ARPP21: variants seen among roughly 807,000 people sequenced by gnomAD.
ARPP21 encodes cAMP-regulated phosphoprotein 21.
ARPP21 carries 69 observed loss-of-function variants against 113.2 expected under a neutral mutation model. That is an observed-to-expected ratio of 0.61 (90% CI 0.50 to 0.74). The LOEUF is 0.74. ARPP21 is among the 30% of genes least tolerant of loss of function. The probability of loss-of-function intolerance (pLI) is 0.00; values close to 1 mark genes in which losing one functional copy is unlikely to be tolerated. For synonymous variants in ARPP21, 368 were observed against 375.5 expected, an observed-to-expected ratio of 0.98 and a Z score of 0.23; for missense variants, 1,070 against 1,037.4, an observed-to-expected ratio of 1.03 and a Z score of -0.43.
chr3:35,644,770 A>G (rs1436666207), intron 1 of ARPP21, among the ~76,000 whole-genome samples: 1 of 151,920 alleles, frequency 6.6e-6, no homozygotes, highest in East Asian at 1.9e-4. Context: ...TTTTTTAGTC[A>G]CCAGTATAGA....
chr3:35,662,319 A>G (rs1183473297), intron 1 of ARPP21, among the ~76,000 whole-genome samples: 1 of 152,220 alleles, frequency 6.6e-6, no homozygotes, highest in Non-Finnish European at 1.5e-5. Flanking sequence ...GGAGCTAACA[A>G]TGGCTTAAAG....
At chr3:35,695,429 T>C (rs761050337) in intron 9 of ARPP21, among the ~76,000 whole-genome samples, 1 of 151,570 alleles carries the variant, frequency 6.6e-6, no homozygotes, top group Non-Finnish European at 1.5e-5. Flanking sequence ...ATGGGATTCA[T>C]GTCCTCAAAC....
At chr3:35,758,394 G>C (rs1256239876) in intron 19 of ARPP21, among the ~76,000 whole-genome samples, 1 of 151,916 alleles carries the variant, frequency 6.6e-6, no homozygotes, top group African/African-American at 2.4e-5. Context: ...CCCCAAACAA[G>C]GACAATGCCA....
At chr3:35,713,452 G>A (rs1264339087) in intron 11 of ARPP21, among the ~76,000 whole-genome samples, 8 of 152,066 alleles carry the variant, frequency 5.3e-5, no homozygotes, top group Admixed American at 4.6e-4. Flanking sequence ...TTGGAGTACA[G>A]TGGCATGATC....
In ARPP21 at chr3:35,772,845, G is replaced by A. The variant is rs545184123; in HGVS notation, c.2138-19537G>A. On this transcript the variant is annotated intron_variant, in intron 19 of 20. Transcript: ENST00000684406. ...GGTTGATGCATTGATGTCAGCCTCCGAGCTCAGGGTGTGTGCCAGAGTCTG... is the reference window on the plus strand; with the variant it reads ...GGTTGATGCATTGATGTCAGCCTCCAAGCTCAGGGTGTGTGCCAGAGTCTG... Among the ~76,000 whole-genome samples the A allele has an allele frequency of 1.4e-4, 22 of 152,252 alleles. No individual in the cohort carries two copies. In the South Asian group the frequency reaches 3.7e-3, roughly 26 times the overall value.
chr3:35,774,561 C>T (rs1336184258), intron 19 of ARPP21, among the ~76,000 whole-genome samples: 6 of 152,088 alleles, frequency 3.9e-5, no homozygotes, highest in African/African-American at 1.4e-4. Flanking sequence ...AAGCAGACTC[C>T]GTTTGAATTG....
At chr3:35,646,836 G>A (rs1435761356) in intron 1 of ARPP21, among the ~76,000 whole-genome samples, 1 of 151,966 alleles carries the variant, frequency 6.6e-6, no homozygotes, top group Non-Finnish European at 1.5e-5. Flanking sequence ...AGAAATTTTG[G>A]AAATTGTCAA....
intron 1 of ARPP21, among the ~76,000 whole-genome samples, chr3:35,668,576 G>T (rs2075540721): frequency 6.6e-6 from 1 of 152,122 alleles, no homozygotes; most frequent in Non-Finnish European, 1.5e-5. Flanking sequence ...GGATAGTTTT[G>T]AACCACACAG....
At chr3:35,775,188 T>G (rs538177966) in intron 19 of ARPP21, among the ~76,000 whole-genome samples, 1 of 152,308 alleles carries the variant, frequency 6.6e-6, no homozygotes, top group East Asian at 1.9e-4. Context: ...AGGCACTGTT[T>G]TGAACCTAAT....
At chr3:35,660,624 A>G (rs1335078385) in intron 1 of ARPP21, among the ~76,000 whole-genome samples, 3 of 152,170 alleles carry the variant, frequency 2.0e-5, no homozygotes, top group Non-Finnish European at 4.4e-5. Flanking sequence ...AGTGTGTGTA[A>G]CAAGAGGTTA....
At chr3:35,695,771 A>G (rs1451509454) in intron 9 of ARPP21, among the ~76,000 whole-genome samples, 1 of 151,452 alleles carries the variant, frequency 6.6e-6, no homozygotes, top group African/African-American at 2.4e-5. Context: ...AAATCTCTAC[A>G]TTTTTTTAAC....
At chr3:35,793,154 C>T (rs2096780848) in intron 20 of ARPP21, among the ~76,000 whole-genome samples, 1 of 152,150 alleles carries the variant, frequency 6.6e-6, no homozygotes, top group South Asian at 2.1e-4. Context: ...TTCTAGGGCC[C>T]CTACCCTACT....
chr3:35,763,423 G>A (rs562685373), intron 19 of ARPP21, among the ~76,000 whole-genome samples: 19 of 152,238 alleles, frequency 1.2e-4, no homozygotes, highest in Middle Eastern at 3.4e-3. Flanking sequence ...AATTTTAAAA[G>A]TCTTGATATG....
chr3:35,673,779 A>G (rs1328914680), intron 1 of ARPP21, among the ~76,000 whole-genome samples: 1 of 151,974 alleles, frequency 6.6e-6, no homozygotes, highest in East Asian at 1.9e-4. Context: ...GGCACCTCTA[A>G]CTGCATCACA....
At chr3:35,671,055 A>G (rs1031176027) in intron 1 of ARPP21, among the ~76,000 whole-genome samples, 9 of 152,164 alleles carry the variant, frequency 5.9e-5, no homozygotes, top group African/African-American at 9.6e-5. Context: ...TTCATATGCC[A>G]TACATTTGCT....
chr3:35,712,139 T>G (rs2091319394), intron 11 of ARPP21, among the ~76,000 whole-genome samples: 1 of 152,198 alleles, frequency 6.6e-6, no homozygotes, highest in African/African-American at 2.4e-5. Flanking sequence ...CCCAAATGGC[T>G]GAGGCACAAG....
At chr3:35,663,575 C>T (rs1708803367) in intron 1 of ARPP21, among the ~76,000 whole-genome samples, 1 of 152,198 alleles carries the variant, frequency 6.6e-6, no homozygotes, top group Non-Finnish European at 1.5e-5. Context: ...GCACAAAGCA[C>T]AGCCTCCCGT....
chr3:35,706,899 G>T, intron 9 of ARPP21, 75 bp from the exon 10 acceptor site: 1 of 1,104,292 alleles, frequency 9.1e-7, no homozygotes, highest in Non-Finnish European at 1.3e-6. Flanking sequence ...CACTGTGGGG[G>T]AAGAACAACA....
chr3:35,700,270 T>C (rs1368940442), intron 9 of ARPP21, among the ~76,000 whole-genome samples: 1 of 151,802 alleles, frequency 6.6e-6, no homozygotes, highest in Admixed American at 6.6e-5. Context: ...TGAAAAGACG[T>C]AATTGTTTTT....
Sources: gnomAD v4.1 joint callset for allele counts (sites outside exome capture counted in the v4.1 genomes callset) on GRCh38, gnomAD v4.1.1 for gene constraint, MANE v1.5 for transcripts, NCBI Gene and HGNC (gene_info 2026-07-23, HGNC 2026-07-21) for gene names.